Variants in KLHL14 observed in about 807,000 individuals in gnomAD.
KLHL14 encodes kelch like family member 14.
Under a neutral mutation model 64.3 loss-of-function variants are expected in KLHL14, and 22 were observed. The observed-to-expected ratio is 0.34, with a 90% CI of 0.24 to 0.49. The LOEUF is 0.49. Among genes scored for constraint, KLHL14 ranks in the 20% least tolerant of loss-of-function variants. KLHL14 has a pLI of 0.99. For missense variants in KLHL14, 661 were observed against 789.0 expected, an observed-to-expected ratio of 0.84 and a Z score of 1.94; for synonymous variants, 322 against 333.4, an observed-to-expected ratio of 0.97 and a Z score of 0.37.
intron 2 of KLHL14, among the ~76,000 whole-genome samples, chr18:32,751,254 G>A (rs991264938): frequency 9.2e-5 from 14 of 152,174 alleles, no homozygotes; most frequent in African/African-American, 3.4e-4. Context: ...ATTTTCCAGC[G>A]AAGTAAACTC....
At chr18:32,723,343 C>G (rs1301434770) in intron 3 of KLHL14, among the ~76,000 whole-genome samples, 1 of 152,190 alleles carries the variant, frequency 6.6e-6, no homozygotes, top group East Asian at 1.9e-4. Context: ...ACTCTCCACC[C>G]CAGGTCCTTG....
At chr18:32,688,550 G>A (rs1287514899) in intron 4 of KLHL14, among the ~76,000 whole-genome samples, 1 of 152,190 alleles carries the variant, frequency 6.6e-6, no homozygotes, top group Non-Finnish European at 1.5e-5. Context: ...GATGTCTTCT[G>A]CAAGCCATGC....
intron 3 of KLHL14, among the ~76,000 whole-genome samples, chr18:32,696,493 GA>G (rs1426770715): frequency 2.5e-4 from 38 of 152,148 alleles, no homozygotes; most frequent in Non-Finnish European, 1.5e-5. Flanking sequence ...GGCCCAGTAG[GA>G]AAAATGATGT....
intron 3 of KLHL14, among the ~76,000 whole-genome samples, chr18:32,713,299 C>T (rs893033283): frequency 6.6e-6 from 1 of 152,180 alleles, no homozygotes; most frequent in Admixed American, 6.6e-5. Flanking sequence ...CCAGTGCCCC[C>T]AAACGAACCC....
rs2049856047 is a variant in KLHL14, at chr18:32,683,776, CAGTTTATATCCTAAAGCATG to C, written c.1239-3197_1239-3178del. Among the ~76,000 whole-genome samples the C allele has an allele frequency of 6.6e-6, 1 of 152,168 alleles. No homozygotes were observed. Among genetic ancestry groups the C allele is most frequent in the Non-Finnish European group, 1.5e-5 (1 of 68,040 alleles). Reference sequence around the variant, plus strand: ...AGTTCTTTCTGGCCCTTGGAGTTGTCAGTTTATATCCTAAAGCATGAGATTGGATTACTATATCCTTACCC... The same window carrying C: ...AGTTCTTTCTGGCCCTTGGAGTTGTCAGATTGGATTACTATATCCTTACCC... On this transcript the variant is annotated intron_variant, in intron 5 of 8. Coordinates refer to ENST00000359358, the MANE Select transcript of KLHL14 (RefSeq NM_020805.3). The surrounding 1 kb of genome is among the most constrained non-coding windows in gnomAD (Gnocchi z 4.2).
intron 2 of KLHL14, among the ~76,000 whole-genome samples, chr18:32,759,763 G>C (rs545708019): frequency 2.6e-5 from 4 of 151,896 alleles, no homozygotes; most frequent in Non-Finnish European, 5.9e-5. Context: ...CCTTAGGAGA[G>C]GGAGATTACA....
chr18:32,707,389 G>A (rs960991121), intron 3 of KLHL14, among the ~76,000 whole-genome samples: 3 of 152,234 alleles, frequency 2.0e-5, no homozygotes, highest in African/African-American at 7.2e-5. Flanking sequence ...CAGGTGTGCA[G>A]GAAAGAGTTT....
chr18:32,762,169 G>A (rs2050317913), intron 2 of KLHL14, among the ~76,000 whole-genome samples: 1 of 151,568 alleles, frequency 6.6e-6, no homozygotes, highest in East Asian at 1.9e-4. Context: ...GGTATTATAG[G>A]CGGTAAGGTA....
At chr18:32,732,829 T>C (rs1423286205) in intron 3 of KLHL14, among the ~76,000 whole-genome samples, 3 of 152,160 alleles carry the variant, frequency 2.0e-5, no homozygotes, top group African/African-American at 4.8e-5. Flanking sequence ...GAAACTGAGA[T>C]AGAAGAGTAG....
In KLHL14 at chr18:32,770,013, G is replaced by A; in HGVS notation, c.579C>T (p.Ala193=). The part of the protein sequence containing the change: ...VQNYKQVCKI[A]ALHGLEETKK... ...TGGTCTCCTCCAGGCCGTGCAGCGC[G>A]GCGATCTTGCACACCTGCTTGTAGT... The change falls in exon 2 of 9, where the codon GCC becomes GCT. Residue 193 remains alanine (A), a synonymous_variant. Transcript: ENST00000359358. This position sits in a 1 kb window ranked among gnomAD's most constrained non-coding sequence, Gnocchi z 6.7. 1.2e-6 allele frequency: 2 copies of A among 1,614,178 alleles called. No homozygotes were observed. Among genetic ancestry groups the A allele is most frequent in the Non-Finnish European group, 1.7e-6 (2 of 1,180,036 alleles).
intron 3 of KLHL14, among the ~76,000 whole-genome samples, chr18:32,739,158 G>A (rs969002952): frequency 3.3e-5 from 5 of 152,034 alleles, no homozygotes; most frequent in Non-Finnish European, 5.9e-5. Flanking sequence ...CCCAAACCAG[G>A]GGACTGTCTC....
At chr18:32,676,705 C>G (rs1293767018) in intron 8 of KLHL14, among the ~76,000 whole-genome samples, 1 of 152,004 alleles carries the variant, frequency 6.6e-6, no homozygotes, top group Non-Finnish European at 1.5e-5. Flanking sequence ...AAGTCCCATT[C>G]TAATCTCGAT....
intron 2 of KLHL14, among the ~76,000 whole-genome samples, chr18:32,753,154 T>G (rs567410453): frequency 6.6e-6 from 1 of 152,322 alleles, no homozygotes; most frequent in East Asian, 1.9e-4. Context: ...ATTATAAATG[T>G]TAAAATGATT....
At chr18:32,698,982 A>G (rs1360172549) in intron 3 of KLHL14, among the ~76,000 whole-genome samples, 2 of 152,210 alleles carry the variant, frequency 1.3e-5, no homozygotes, top group Non-Finnish European at 2.9e-5. Context: ...ACTCTGCAGA[A>G]TGACTAATCA....
At chr18:32,749,074 T>C (rs776166272) in intron 2 of KLHL14, among the ~76,000 whole-genome samples, 1 of 152,200 alleles carries the variant, frequency 6.6e-6, no homozygotes, top group Non-Finnish European at 1.5e-5. Context: ...GTTTTATTAC[T>C]TAAAGATAAT....
intron 1 of KLHL14, among the ~76,000 whole-genome samples, chr18:32,771,659 GGGAGGCCT>G (rs1259957148): frequency 6.6e-6 from 1 of 152,118 alleles, no homozygotes; most frequent in East Asian, 1.9e-4. Flanking sequence ...AGAGGGAGCC[GGGAGGCCT>G]GGAGGCCGGG....
At chr18:32,716,478 G>T (rs1208905382) in intron 3 of KLHL14, among the ~76,000 whole-genome samples, 1 of 151,766 alleles carries the variant, frequency 6.6e-6, no homozygotes, top group African/African-American at 2.4e-5. Flanking sequence ...GCAATGGCAC[G>T]ATCTCGGCTC....
At chr18:32,749,094 T>A (rs926799404) in intron 2 of KLHL14, among the ~76,000 whole-genome samples, 26 of 152,234 alleles carry the variant, frequency 1.7e-4, no homozygotes, top group African/African-American at 6.0e-4. Flanking sequence ...TAAAGAGTTG[T>A]ACTTCAATTG....
chr18:32,757,220 G>T (rs1427774398), intron 2 of KLHL14, among the ~76,000 whole-genome samples: 1 of 152,200 alleles, frequency 6.6e-6, no homozygotes, highest in Non-Finnish European at 1.5e-5. Flanking sequence ...CGACAATGAA[G>T]TAACAGTACC....
Sources: gnomAD v4.1 joint callset for allele counts (sites outside exome capture counted in the v4.1 genomes callset) on GRCh38, gnomAD v4.1.1 for gene constraint, Gnocchi (gnomAD v3.1) non-coding constraint, MANE v1.5 for transcripts, NCBI Gene and HGNC (gene_info 2026-07-23, HGNC 2026-07-21) for gene names.